LDLRAD3: variants seen among roughly 807,000 people sequenced by gnomAD.
LDLRAD3 encodes low density lipoprotein receptor class A domain containing 3.
In LDLRAD3, 20 loss-of-function variants were observed where a neutral mutation model predicts 29.4. The ratio of observed to expected loss-of-function variants is 0.68; its 90% confidence interval spans 0.48 to 0.99. The LOEUF is 0.99. Ranked by LOEUF, LDLRAD3 falls within the 50% of genes least tolerant of loss-of-function variation. The pLI is 0.00. For synonymous variants in LDLRAD3, 157 were observed against 192.7 expected, an observed-to-expected ratio of 0.81 and a Z score of 1.53; for missense variants, 420 against 454.3, an observed-to-expected ratio of 0.92 and a Z score of 0.69.
intron 1 of LDLRAD3, among the ~76,000 whole-genome samples, chr11:36,017,820 G>T (rs1217534766): frequency 6.6e-6 from 1 of 152,054 alleles, no homozygotes; most frequent in Non-Finnish European, 1.5e-5. Context: ...CACTACATCT[G>T]GCCCATGTTT....
intron 4 of LDLRAD3, among the ~76,000 whole-genome samples, chr11:36,105,715 G>A (rs185301053): frequency 3.0e-3 from 457 of 152,264 alleles, no homozygotes; most frequent in African/African-American, 0.011. Context: ...CAGGAGAGAG[G>A]CTCGGAACAG....
intron 3 of LDLRAD3, among the ~76,000 whole-genome samples, chr11:36,088,212 T>A (rs1387036853): frequency 6.6e-6 from 1 of 152,026 alleles, no homozygotes; most frequent in Non-Finnish European, 1.5e-5. Context: ...GCCCTTTGAC[T>A]TTTTTTCCTT....
At chr11:36,022,811 C>T (rs1333879905) in intron 1 of LDLRAD3, among the ~76,000 whole-genome samples, 1 of 152,204 alleles carries the variant, frequency 6.6e-6, no homozygotes, top group Non-Finnish European at 1.5e-5. Flanking sequence ...TTCGTCTACA[C>T]AGTTTCAGCC....
rs551924974 is a variant in LDLRAD3 at position 36,097,846 on chromosome 11, A to G, written c.320-481A>G. Among the ~76,000 whole-genome samples, 4 of 152,228 alleles carry G rather than the reference A, an allele frequency of 2.6e-5. No homozygotes were observed. The East Asian group carries it at 5.8e-4, about 22-fold the overall frequency. The stretch of plus-strand genomic sequence containing the variant: ...AAATAAAAAAACAAAAATGGAAAAA[A>G]AAATTAAAAAGAATTCCAAAAGCAC... On this transcript the variant is annotated intron_variant, in intron 3 of 5. Coordinates refer to ENST00000315571, the MANE Select transcript of LDLRAD3 (RefSeq NM_174902.4).
chr11:35,950,106 A>G (rs1590675548), intron 1 of LDLRAD3, among the ~76,000 whole-genome samples: 1 of 152,278 alleles, frequency 6.6e-6, no homozygotes, highest in East Asian at 1.9e-4. Flanking sequence ...TTGAAGACCC[A>G]AATGACCCAC....
intron 4 of LDLRAD3, among the ~76,000 whole-genome samples, chr11:36,148,114 C>A (rs1055496497): frequency 1.3e-5 from 2 of 152,142 alleles, no homozygotes; most frequent in Admixed American, 1.3e-4. Flanking sequence ...CAGTGATCTG[C>A]CCACCTCGGC....
chr11:36,169,967 C>T (rs1484886916), intron 4 of LDLRAD3, among the ~76,000 whole-genome samples: 2 of 152,006 alleles, frequency 1.3e-5, no homozygotes, highest in East Asian at 3.9e-4. Flanking sequence ...ACACCTATCA[C>T]CCGAGCAATG....
intron 1 of LDLRAD3, among the ~76,000 whole-genome samples, chr11:35,986,967 G>A (rs548899807): frequency 2.0e-5 from 3 of 152,180 alleles, no homozygotes; most frequent in South Asian, 2.1e-4. Context: ...CTCTCACACC[G>A]GGCTGTCTGC....
chr11:36,052,968 A>AT (rs10711575), intron 2 of LDLRAD3, among the ~76,000 whole-genome samples: 4 of 147,420 alleles, frequency 2.7e-5, no homozygotes, highest in Admixed American at 6.7e-5. Flanking sequence ...TTGAGGTCTG[A>AT]TTTTTTTTTT....
chr11:36,043,008 T>TA (rs1852401887), intron 2 of LDLRAD3, among the ~76,000 whole-genome samples: 1 of 117,380 alleles, frequency 8.5e-6, no homozygotes, highest in Admixed American at 1.1e-4. Context: ...TCTCCTTTGT[T>TA]TAAAAAAAAA....
intron 4 of LDLRAD3, among the ~76,000 whole-genome samples, chr11:36,126,353 T>C (rs1853837326): frequency 6.6e-6 from 1 of 152,168 alleles, no homozygotes; most frequent in African/African-American, 2.4e-5. Flanking sequence ...AATCAAGGCT[T>C]ACACCCACCA....
At chr11:36,023,619 T>C (rs1852126405) in intron 1 of LDLRAD3, among the ~76,000 whole-genome samples, 1 of 152,254 alleles carries the variant, frequency 6.6e-6, no homozygotes, top group Non-Finnish European at 1.5e-5. Context: ...TATTTTTAAA[T>C]GCTGAAGACT....
At chr11:36,018,078 C>T (rs1484794317) in intron 1 of LDLRAD3, among the ~76,000 whole-genome samples, 1 of 152,128 alleles carries the variant, frequency 6.6e-6, no homozygotes. Context: ...TAATTTTTTC[C>T]TCAAAAGTTG....
At chr11:36,079,775 G>C (rs1407892916) in intron 2 of LDLRAD3, among the ~76,000 whole-genome samples, 1 of 152,312 alleles carries the variant, frequency 6.6e-6, no homozygotes, top group South Asian at 2.1e-4. Flanking sequence ...TGTTGGGCCA[G>C]TGGGTTTGTG....
At chr11:36,119,249 A>G (rs768278871) in intron 4 of LDLRAD3, among the ~76,000 whole-genome samples, 4 of 152,226 alleles carry the variant, frequency 2.6e-5, no homozygotes, top group African/African-American at 9.6e-5. Flanking sequence ...CTTTTTGGCT[A>G]TTATGAATAA....
intron 4 of LDLRAD3, among the ~76,000 whole-genome samples, chr11:36,126,658 T>C (rs1853842735): frequency 1.3e-5 from 2 of 152,366 alleles, no homozygotes; most frequent in East Asian, 3.9e-4. Flanking sequence ...CATTCACGTA[T>C]GCAATAATGG....
intron 4 of LDLRAD3, among the ~76,000 whole-genome samples, chr11:36,139,417 G>C (rs529794507): frequency 8.5e-5 from 13 of 152,302 alleles, no homozygotes; most frequent in African/African-American, 3.1e-4. Context: ...CTGTTAAAGA[G>C]TTTGGACCAC....
intron 1 of LDLRAD3, among the ~76,000 whole-genome samples, chr11:35,994,309 C>T (rs1184921466): frequency 1.5e-5 from 2 of 132,638 alleles, no homozygotes; most frequent in African/African-American, 5.8e-5. Flanking sequence ...TGCACTCCAG[C>T]CTGGGGGACA....
chr11:35,959,172 G>T (rs1270378020), intron 1 of LDLRAD3, among the ~76,000 whole-genome samples: 1 of 152,196 alleles, frequency 6.6e-6, no homozygotes, highest in Non-Finnish European at 1.5e-5. Flanking sequence ...CAGCCGTATG[G>T]ATTGTGTGCT....
Sources: gnomAD v4.1 joint callset for allele counts (sites outside exome capture counted in the v4.1 genomes callset) on GRCh38, gnomAD v4.1.1 for gene constraint, MANE v1.5 for transcripts, NCBI Gene and HGNC (gene_info 2026-07-23, HGNC 2026-07-21) for gene names.